Variants in SCAND3 observed in about 807,000 individuals in gnomAD.
The protein encoded by SCAND3 is SCAN domain containing 3.
At chr6:28,585,826 C>T in the SCAND3 span, among the ~76,000 whole-genome samples, 1 of 152,048 alleles carries the variant, frequency 6.6e-6, no homozygotes, top group African/African-American at 2.4e-5. Context: ...TAATTTTGAG[C>T]TCAAAACATT....
chr6:28,597,927 T>G, the SCAND3 span: 1 of 152,234 alleles, frequency 6.6e-6, no homozygotes, highest in Admixed American at 6.5e-5. Flanking sequence ...ACGCTTTCAT[T>G]TCTCTCTAGT....
the SCAND3 span, among the ~76,000 whole-genome samples, chr6:28,609,443 A>C: frequency 6.6e-6 from 1 of 152,248 alleles, no homozygotes; most frequent in Non-Finnish European, 1.5e-5. Flanking sequence ...CATTTATCCT[A>C]TCTCTCCTGT....
the SCAND3 span, among the ~76,000 whole-genome samples, chr6:28,604,603 G>A: frequency 1.4e-5 from 2 of 141,322 alleles, no homozygotes; most frequent in Non-Finnish European, 3.0e-5. Flanking sequence ...CTGACCGAGC[G>A]AGACTCTGTC....
chr6:28,573,412 A>G, the SCAND3 span: 1 of 1,614,020 alleles, frequency 6.2e-7, no homozygotes, highest in East Asian at 2.2e-5. Context: ...CGGAAGTGCT[A>G]CTTTATATGA....
At chr6:28,594,445 A>G in the SCAND3 span, among the ~76,000 whole-genome samples, 1 of 152,164 alleles carries the variant, frequency 6.6e-6, no homozygotes, top group Non-Finnish European at 1.5e-5. Flanking sequence ...ACCTGAGATC[A>G]GTAGTTTGAG....
the SCAND3 span, chr6:28,573,576 C>T: frequency 6.2e-7 from 1 of 1,613,102 alleles, no homozygotes; most frequent in Non-Finnish European, 8.5e-7. Flanking sequence ...TTGATGGTTT[C>T]ATTGCTTCAT....
chr6:28,607,589 G>A, the SCAND3 span, among the ~76,000 whole-genome samples: 2 of 151,090 alleles, frequency 1.3e-5, no homozygotes. Flanking sequence ...AGGTGGAATA[G>A]CAGAAACATA....
chr6:28,588,652 A>T, the SCAND3 span, among the ~76,000 whole-genome samples: 1 of 152,228 alleles, frequency 6.6e-6, no homozygotes, highest in African/African-American at 2.4e-5. The surrounding 1 kb of genome is among the most constrained non-coding windows in gnomAD (Gnocchi z 4.1). Context: ...CTGAGTCACA[A>T]TTATAACTCA....
chr6:28,576,191 C>T, the SCAND3 span: 23 of 1,386,476 alleles, frequency 1.7e-5, no homozygotes, highest in African/African-American at 3.1e-4. Context: ...ATTTAAAAGA[C>T]ATATATTGCC....
chr6:28,615,580 A>C, the SCAND3 span, among the ~76,000 whole-genome samples: 1 of 145,942 alleles, frequency 6.9e-6, no homozygotes, highest in Admixed American at 7.1e-5. Flanking sequence ...CAGCCTAGGC[A>C]ACAGAGAGAG....
At chr6:28,607,199 G>A in the SCAND3 span, among the ~76,000 whole-genome samples, 3 of 152,194 alleles carry the variant, frequency 2.0e-5, no homozygotes, top group Admixed American at 6.5e-5. Context: ...GCATGTACGA[G>A]GTCCCGGGTT....
At chr6:28,614,066 C>A in the SCAND3 span, among the ~76,000 whole-genome samples, 5 of 151,136 alleles carry the variant, frequency 3.3e-5, no homozygotes, top group Admixed American at 1.3e-4. Context: ...CAGGTTCAAG[C>A]GATTCTCCTG....
chr6:28,576,863 G>T, the SCAND3 span, among the ~76,000 whole-genome samples: 1 of 150,848 alleles, frequency 6.6e-6, no homozygotes, highest in African/African-American at 2.4e-5. Context: ...ACCTGCCTTG[G>T]CCTCCTAAAA....
chr6:28,600,899 C>CT, the SCAND3 span, among the ~76,000 whole-genome samples: 8,074 of 119,638 alleles, frequency 0.067, 891 homozygotes, highest in African/African-American at 0.19. Context: ...CAACATGTGC[C>CT]TTTTTTTTTT....
chr6:28,600,234 G>C, the SCAND3 span, among the ~76,000 whole-genome samples: 1 of 152,124 alleles, frequency 6.6e-6, no homozygotes, highest in Non-Finnish European at 1.5e-5. Flanking sequence ...GAAAACAAAC[G>C]ACCCAGTTAA....
the SCAND3 span, among the ~76,000 whole-genome samples, chr6:28,603,407 T>A: frequency 2.3e-4 from 35 of 152,358 alleles, no homozygotes; most frequent in South Asian, 6.6e-3. Context: ...AGATGCTTGT[T>A]AACATTCTAA....
the SCAND3 span, chr6:28,571,306 C>CCTGCCT: frequency 5.9e-5 from 9 of 152,280 alleles, no homozygotes; most frequent in Non-Finnish European, 1.2e-4. Flanking sequence ...AGAGCAAGAC[C>CCTGCCT]CTGCCTCAAA....
the SCAND3 span, among the ~76,000 whole-genome samples, chr6:28,607,135 C>G: frequency 6.6e-6 from 1 of 152,172 alleles, no homozygotes; most frequent in African/African-American, 2.4e-5. Context: ...GAAAGAAATG[C>G]AAAGCAACCT....
At chr6:28,605,218 T>G in the SCAND3 span, among the ~76,000 whole-genome samples, 1 of 152,210 alleles carries the variant, frequency 6.6e-6, no homozygotes, top group Non-Finnish European at 1.5e-5. Flanking sequence ...CTCACAGCTA[T>G]GGCTTTGACT....
Sources: allele counts gnomAD v4.1 joint callset (sites outside exome capture counted in the v4.1 genomes callset), GRCh38; gene constraint gnomAD v4.1.1; non-coding constraint Gnocchi (gnomAD v3.1); transcripts MANE v1.5; gene names NCBI Gene and HGNC (gene_info 2026-07-23, HGNC 2026-07-21).